The following PHACTR1 variants were observed in gnomAD, a reference collection of about 807,000 sequenced individuals.
PHACTR1 encodes the protein phosphatase and actin regulator 1, also known as RPEL repeat containing 1.
A neutral mutation model predicts 69.2 loss-of-function variants in PHACTR1; 16 were observed. The observed-to-expected ratio is 0.23, with a 90% confidence interval of 0.16 to 0.35. PHACTR1 has a LOEUF of 0.35. Among genes scored for constraint, PHACTR1 ranks in the 10% least tolerant of loss-of-function variants. PHACTR1 has a pLI of 1.00. For missense variants in PHACTR1, 510 were observed against 734.7 expected (o/e 0.69, Z 3.54); for synonymous variants, 312 against 284.5 (o/e 1.10, Z -0.97).
intron 5 of PHACTR1, among the ~76,000 whole-genome samples, chr6:13,107,602 G>A (rs954713373): frequency 2.0e-5 from 3 of 152,026 alleles, no homozygotes; most frequent in Admixed American, 6.5e-5. Flanking sequence ...GATAATTTAC[G>A]TCTTTCAAAC....
At chr6:13,201,738 G>T (rs375284704) in intron 7 of PHACTR1, among the ~76,000 whole-genome samples, 1 of 152,160 alleles carries the variant, frequency 6.6e-6, no homozygotes, top group Admixed American at 6.6e-5. Context: ...TCCAAATCGT[G>T]CCTCTAGTTA....
rs1231001829 is a variant in PHACTR1 at position 13,226,928 on chromosome 6, A to G, written c.987-888A>G. On this transcript the variant is annotated intron_variant, in intron 8 of 14. Coordinates refer to ENST00000332995, the MANE Select transcript of PHACTR1 (RefSeq NM_030948.6). ...AATTTTTGTATTTTTAGTAGAGAGA[A>G]GGTTTCACCATGTTGGCCAGGATGG... Among the ~76,000 whole-genome samples, 5 of 151,910 alleles carry G rather than the reference A, an allele frequency of 3.3e-5. No individual in the cohort carries two copies. The East Asian group carries it at 9.7e-4, about 29-fold the overall frequency.
chr6:12,938,488 C>A (rs1440254188), intron 4 of PHACTR1, among the ~76,000 whole-genome samples: 1 of 152,140 alleles, frequency 6.6e-6, no homozygotes, highest in Non-Finnish European at 1.5e-5. Flanking sequence ...CACGGCATGG[C>A]CCCATCTGGT....
intron 4 of PHACTR1, among the ~76,000 whole-genome samples, chr6:12,756,904 C>T (rs143998177): frequency 6.6e-6 from 1 of 152,244 alleles, no homozygotes; most frequent in East Asian, 1.9e-4. Context: ...GAGTTTCTCT[C>T]TTATTCCACC....
chr6:12,787,426 G>C (rs112122831), intron 4 of PHACTR1, among the ~76,000 whole-genome samples: 3 of 152,300 alleles, frequency 2.0e-5, no homozygotes, highest in Middle Eastern at 3.4e-3. Context: ...TGTGAAAGGC[G>C]TAAGTCTCTT....
At chr6:12,766,700 A>G (rs1768657269) in intron 4 of PHACTR1, among the ~76,000 whole-genome samples, 1 of 152,236 alleles carries the variant, frequency 6.6e-6, no homozygotes, top group African/African-American at 2.4e-5. Flanking sequence ...GATATTTAAT[A>G]GACATACTGT....
At chr6:13,139,577 T>G (rs757871817) in intron 5 of PHACTR1, among the ~76,000 whole-genome samples, 24 of 152,194 alleles carry the variant, frequency 1.6e-4, no homozygotes, top group Non-Finnish European at 3.2e-4. Context: ...ACAGCATTGT[T>G]TCAAGCCCCA....
chr6:12,772,309 A>G (rs976619840), intron 4 of PHACTR1, among the ~76,000 whole-genome samples: 1 of 152,234 alleles, frequency 6.6e-6, no homozygotes, highest in African/African-American at 2.4e-5. Flanking sequence ...TTGTCACAGA[A>G]TTATTCAAAC....
intron 3 of PHACTR1, among the ~76,000 whole-genome samples, chr6:12,728,895 A>AAT (rs1763134065): frequency 6.6e-6 from 1 of 152,200 alleles, no homozygotes; most frequent in South Asian, 2.1e-4. Context: ...ATATTAAGTA[A>AAT]ATAATAGGCT....
rs955354136 is a variant in PHACTR1, at chr6:13,258,286, C to T, written c.1392-14574C>T. ...AGGAGGATTGCTTGAACCTGGGAGG[C>T]GGAGGTTGTAGTGAGCTGAGATCGC... On this transcript the variant is annotated intron_variant, in intron 10 of 14. Coordinates refer to ENST00000332995, the MANE Select transcript of PHACTR1 (RefSeq NM_030948.6). Among the ~76,000 whole-genome samples the T allele has an allele frequency of 1.5e-3, 225 of 150,330 alleles. 14 individuals carry two copies. Among genetic ancestry groups the T allele is most frequent in the South Asian group, 1.3e-3 (6 of 4,744 alleles).
At chr6:13,095,376 C>G (rs1814019191) in intron 5 of PHACTR1, among the ~76,000 whole-genome samples, 3 of 152,170 alleles carry the variant, frequency 2.0e-5, no homozygotes. Flanking sequence ...TAAATGGCAG[C>G]CTGCATCACC....
intron 4 of PHACTR1, among the ~76,000 whole-genome samples, chr6:12,773,873 A>G (rs1769705910): frequency 6.6e-6 from 1 of 152,214 alleles, no homozygotes; most frequent in Non-Finnish European, 1.5e-5. Context: ...CTAGGGTAGA[A>G]CATAGTTGTC....
At chr6:12,960,669 G>A (rs1582710158) in intron 4 of PHACTR1, among the ~76,000 whole-genome samples, 1 of 152,172 alleles carries the variant, frequency 6.6e-6, no homozygotes, top group Admixed American at 6.5e-5. Context: ...GATGTAGTGG[G>A]TTTGATTTTT....
intron 3 of PHACTR1, among the ~76,000 whole-genome samples, chr6:12,728,487 A>G (rs1763080400): frequency 1.3e-5 from 2 of 152,194 alleles, no homozygotes; most frequent in Admixed American, 1.3e-4. Flanking sequence ...TAAAAATATC[A>G]TAGTGTTTAG....
chr6:13,208,795 G>A (rs1766335378), intron 8 of PHACTR1, among the ~76,000 whole-genome samples: 1 of 152,178 alleles, frequency 6.6e-6, no homozygotes, highest in Non-Finnish European at 1.5e-5. Flanking sequence ...GATGCTAACT[G>A]ACAAGTTTTA....
At chr6:12,935,112 A>G (rs1562027774) in intron 4 of PHACTR1, among the ~76,000 whole-genome samples, 2 of 152,262 alleles carry the variant, frequency 1.3e-5, no homozygotes, top group Non-Finnish European at 2.9e-5. Context: ...GCAAAGCTCA[A>G]TAAATATTAC....
At chr6:13,003,098 A>G (rs1380847948) in intron 4 of PHACTR1, among the ~76,000 whole-genome samples, 1 of 152,252 alleles carries the variant, frequency 6.6e-6, no homozygotes, top group African/African-American at 2.4e-5. Flanking sequence ...TCTCCCTGAT[A>G]TATTGCCAAT....
At chr6:13,262,045 T>A (rs1247481654) in intron 10 of PHACTR1, among the ~76,000 whole-genome samples, 1 of 152,004 alleles carries the variant, frequency 6.6e-6, no homozygotes, top group Non-Finnish European at 1.5e-5. Context: ...AAGCACAGAG[T>A]GGTGTGATCA....
chr6:12,761,155 C>T (rs1368033307), intron 4 of PHACTR1, among the ~76,000 whole-genome samples: 2 of 152,140 alleles, frequency 1.3e-5, no homozygotes, highest in Non-Finnish European at 2.9e-5. Context: ...ACTTTGAAAA[C>T]CAAATGTGAA....
Sources: gnomAD v4.1 joint callset for allele counts (sites outside exome capture counted in the v4.1 genomes callset) on GRCh38, gnomAD v4.1.1 for gene constraint, MANE v1.5 for transcripts, NCBI Gene and HGNC (gene_info 2026-07-23, HGNC 2026-07-21) for gene names.